PTPRD: variants seen among roughly 807,000 people sequenced by gnomAD.
The protein encoded by PTPRD is protein tyrosine phosphatase receptor type D, also known as receptor-type tyrosine-protein phosphatase delta.
In PTPRD, 34 loss-of-function variants were observed where a neutral mutation model predicts 214.5. The observed-to-expected ratio is 0.16, with a 90% confidence interval of 0.12 to 0.21. PTPRD has a LOEUF of 0.21. Among genes scored for constraint, PTPRD ranks in the 10% least tolerant of loss-of-function variants. The pLI is 1.00. For missense variants in PTPRD, 2,545 were observed against 2,398.7 expected, an observed-to-expected ratio of 1.06 and a Z score of -1.27; for synonymous variants, 1,128 against 845.7, an observed-to-expected ratio of 1.33 and a Z score of -5.79.
At chr9:9,928,028 C>T (rs1374253575) in intron 5 of PTPRD, among the ~76,000 whole-genome samples, 4 of 152,126 alleles carry the variant, frequency 2.6e-5, no homozygotes, top group Non-Finnish European at 4.4e-5. Flanking sequence ...GACTAATGAA[C>T]TCTGCTTCAT....
At chr9:8,843,127 T>C (rs2097595105) in intron 11 of PTPRD, among the ~76,000 whole-genome samples, 1 of 152,012 alleles carries the variant, frequency 6.6e-6, no homozygotes, top group African/African-American at 2.4e-5. Flanking sequence ...AAGACAAAAA[T>C]CACTTGGAAA....
At chr9:9,496,109 C>A (rs576336267) in intron 8 of PTPRD, among the ~76,000 whole-genome samples, 4 of 152,118 alleles carry the variant, frequency 2.6e-5, no homozygotes, top group African/African-American at 7.2e-5. Context: ...GGCAAAGGGG[C>A]CGAGAAAAAT....
intron 2 of PTPRD, among the ~76,000 whole-genome samples, chr9:10,371,527 T>C (rs566794791): frequency 6.6e-6 from 1 of 152,200 alleles, no homozygotes; most frequent in Admixed American, 6.6e-5. Context: ...ACAAGTTATT[T>C]ATCTGTCTGT....
At chr9:9,435,933 T>C (rs896174393) in intron 8 of PTPRD, among the ~76,000 whole-genome samples, 4 of 152,144 alleles carry the variant, frequency 2.6e-5, no homozygotes, top group African/African-American at 9.7e-5. Context: ...AGTGTATGTA[T>C]TAGAAACTTC....
At chr9:8,996,535 C>T (rs2099397485) in intron 11 of PTPRD, among the ~76,000 whole-genome samples, 1 of 151,974 alleles carries the variant, frequency 6.6e-6, no homozygotes, top group African/African-American at 2.4e-5. Context: ...ATTTGGGCTA[C>T]TATAGCAAAA....
chr9:9,586,806 T>A (rs73388951), intron 7 of PTPRD, among the ~76,000 whole-genome samples: 4,969 of 152,068 alleles, frequency 0.033, 231 homozygotes, highest in African/African-American at 0.1. Context: ...TATATCACTT[T>A]GACATGATTT....
intron 36 of PTPRD, among the ~76,000 whole-genome samples, chr9:8,400,864 T>A (rs1311481357): frequency 6.6e-6 from 1 of 152,150 alleles, no homozygotes; most frequent in East Asian, 1.9e-4. Flanking sequence ...AAACAACGGA[T>A]AAGGAAACTA....
intron 7 of PTPRD, among the ~76,000 whole-genome samples, chr9:9,614,596 G>C (rs1218291995): frequency 2.6e-5 from 4 of 152,112 alleles, no homozygotes; most frequent in Non-Finnish European, 5.9e-5. Context: ...TCAAAAACTG[G>C]AGTTTTGATT....
At chr9:8,539,904 T>C (rs1302265775) in intron 14 of PTPRD, among the ~76,000 whole-genome samples, 2 of 152,028 alleles carry the variant, frequency 1.3e-5, no homozygotes, top group Non-Finnish European at 2.9e-5. Context: ...TAAGAACAAC[T>C]GGAAAAATGT....
intron 10 of PTPRD, among the ~76,000 whole-genome samples, chr9:9,096,584 T>A (rs992301195): frequency 6.6e-6 from 1 of 152,222 alleles, no homozygotes; most frequent in Non-Finnish European, 1.5e-5. Flanking sequence ...GATTTCTTTT[T>A]TTTAAAAATA....
intron 10 of PTPRD, among the ~76,000 whole-genome samples, chr9:9,134,114 G>A (rs1266595137): frequency 1.7e-5 from 2 of 116,562 alleles, no homozygotes; most frequent in African/African-American, 8.0e-5. Context: ...CGCCCAGGCT[G>A]GACTGCGGAC....
Position 8,500,782 on chromosome 9 carries a change from C to T in PTPRD, c.2100G>A (p.Leu700=). ...CTTCATTGGTTCGAATCAACACGGA[C>T]AAGCTCTCAGGGCCAGGGCCGACAT... is the stretch of plus-strand genomic sequence containing the variant. ...HTDVGPGPES[L]SVLIRTNEDV... The change falls in exon 24 of 46, where the codon TTG becomes TTA. Residue 700 remains leucine (L), a synonymous_variant. Coordinates refer to ENST00000381196, the MANE Select transcript of PTPRD (RefSeq NM_002839.4). The T allele has an allele frequency of 6.2e-7, 1 of 1,614,128 alleles. No homozygotes were observed. The highest frequency in any genetic ancestry group is 8.5e-7 in the Non-Finnish European group (1 of 1,180,012).
intron 12 of PTPRD, among the ~76,000 whole-genome samples, chr9:8,666,239 G>C (rs2097168394): frequency 6.6e-6 from 1 of 152,070 alleles, no homozygotes; most frequent in Non-Finnish European, 1.5e-5. Flanking sequence ...AAACATACTA[G>C]AACAAGAACC....
intron 3 of PTPRD, among the ~76,000 whole-genome samples, chr9:10,252,589 A>C (rs1309076305): frequency 6.6e-6 from 1 of 152,090 alleles, no homozygotes; most frequent in Non-Finnish European, 1.5e-5. Context: ...ATTATGTATT[A>C]ATGATATTAT....
At chr9:9,096,462 T>C (rs562161924) in intron 10 of PTPRD, among the ~76,000 whole-genome samples, 1 of 152,320 alleles carries the variant, frequency 6.6e-6, no homozygotes, top group South Asian at 2.1e-4. Flanking sequence ...CAAGCATTAA[T>C]TTGTATACTG....
At chr9:8,654,212 G>A (rs910319126) in intron 12 of PTPRD, among the ~76,000 whole-genome samples, 16 of 152,254 alleles carry the variant, frequency 1.1e-4, no homozygotes, top group Admixed American at 9.8e-4. Flanking sequence ...AGGATGGTTG[G>A]TCACCCTAGC....
At chr9:9,550,610 A>G (rs2079974684) in intron 8 of PTPRD, among the ~76,000 whole-genome samples, 1 of 150,902 alleles carries the variant, frequency 6.6e-6, no homozygotes, top group Non-Finnish European at 1.5e-5. Context: ...CTGGAAAGCC[A>G]TAATACAAAG....
chr9:8,585,748 G>T (rs1364103140), intron 14 of PTPRD, among the ~76,000 whole-genome samples: 1 of 152,086 alleles, frequency 6.6e-6, no homozygotes, highest in African/African-American at 2.4e-5. Flanking sequence ...ATTTACAATT[G>T]CATTGAAAAA....
At chr9:9,669,879 A>G (rs1056989014) in intron 7 of PTPRD, among the ~76,000 whole-genome samples, 5 of 152,204 alleles carry the variant, frequency 3.3e-5, no homozygotes, top group Admixed American at 1.3e-4. Flanking sequence ...CCATGTGTCC[A>G]TAAAGATATG....
Sources: gnomAD v4.1 joint callset for allele counts (sites outside exome capture counted in the v4.1 genomes callset) on GRCh38, gnomAD v4.1.1 for gene constraint, MANE v1.5 for transcripts, NCBI Gene and HGNC (gene_info 2026-07-23, HGNC 2026-07-21) for gene names.